Variants in CMPK1 observed in about 807,000 individuals in gnomAD.
CMPK1 encodes UMP-CMP kinase.
Under a neutral mutation model 25.7 loss-of-function variants are expected in CMPK1, and 10 were observed. The observed-to-expected ratio is 0.39, with a 90% CI of 0.24 to 0.66. The LOEUF (loss-of-function observed/expected upper bound fraction) is 0.66. Among genes scored for constraint, CMPK1 ranks in the 30% least tolerant of loss-of-function variants. The probability of loss-of-function intolerance (pLI) is 0.48; values close to 1 mark genes in which losing one functional copy is unlikely to be tolerated. For synonymous variants in CMPK1, 106 were observed against 101.5 expected, an observed-to-expected ratio of 1.04 and a Z score of -0.27; for missense variants, 199 against 280.5, an observed-to-expected ratio of 0.71 and a Z score of 2.08.
chr1:47,346,835 TCTC>T (rs1290841426), intron 1 of CMPK1, among the ~76,000 whole-genome samples: 1 of 123,312 alleles, frequency 8.1e-6, no homozygotes, highest in Non-Finnish European at 1.7e-5. Context: ...CCTCCCCATC[TCTC>T]CTCCTCACTC....
intron 1 of CMPK1, 74 bp from the exon 2 acceptor site, chr1:47,368,390 TAACAC>T: frequency 8.2e-7 from 1 of 1,215,336 alleles, no homozygotes; most frequent in Non-Finnish European, 1.1e-6. Context: ...ATATAGAAAT[TAACAC>T]AAAGGAAAAA....
At position 47,377,187 on chromosome 1, in the gene CMPK1, G is replaced by T. The variant is rs2149335963; in HGVS notation, c.*442G>T. The stretch of plus-strand genomic sequence containing the variant: ...AAATTTCAAAGGAACTTTTTGTGTA[G>T]TCAGTTCTTGCACAATGTGTTTGGT... On this transcript the variant is annotated 3_prime_UTR_variant, in exon 6 of 6. Coordinates refer to ENST00000371873, the MANE Select transcript of CMPK1 (RefSeq NM_016308.3). 1 of 153,106 alleles carries T rather than the reference G, an allele frequency of 6.5e-6. No homozygotes were observed. Among genetic ancestry groups the T allele is most frequent in the East Asian group, 1.9e-4 (1 of 5,216 alleles). The allele number at this position is 153,106 out of a possible 1,614,324, so 9.5% of individuals were successfully genotyped here.
intron 1 of CMPK1, among the ~76,000 whole-genome samples, chr1:47,365,520 G>C (rs1264209088): frequency 6.6e-6 from 1 of 151,530 alleles, no homozygotes; most frequent in African/African-American, 2.4e-5. Flanking sequence ...ACTAGTCCCA[G>C]CTACTCGGGA....
At chr1:47,360,554 C>G (rs555778970) in intron 1 of CMPK1, among the ~76,000 whole-genome samples, 10 of 152,232 alleles carry the variant, frequency 6.6e-5, no homozygotes, top group African/African-American at 2.2e-4. Context: ...CCCAAGCAGA[C>G]AATCATCAAG....
intron 1 of CMPK1, among the ~76,000 whole-genome samples, chr1:47,334,328 G>T (rs1332583943): frequency 6.6e-6 from 1 of 152,078 alleles, no homozygotes; most frequent in South Asian, 2.1e-4. Context: ...GGGGGCCACC[G>T]CTTGAGGTCG....
At chr1:47,366,005 C>T (rs1646637659) in intron 1 of CMPK1, among the ~76,000 whole-genome samples, 1 of 151,840 alleles carries the variant, frequency 6.6e-6, no homozygotes, top group Non-Finnish European at 1.5e-5. Flanking sequence ...ACCAGCCTGG[C>T]CAACATGGTA....
chr1:47,356,910 C>G (rs147087949), intron 1 of CMPK1, among the ~76,000 whole-genome samples: 1 of 151,404 alleles, frequency 6.6e-6, no homozygotes, highest in African/African-American at 2.4e-5. Flanking sequence ...ATCCGCATGC[C>G]TTCATCTCCC....
At chr1:47,334,769 A>C (rs964995689) in intron 1 of CMPK1, among the ~76,000 whole-genome samples, 6 of 152,124 alleles carry the variant, frequency 3.9e-5, no homozygotes, top group Non-Finnish European at 5.9e-5. Context: ...TGCTGTTCTG[A>C]GATCAAGCTT....
At chr1:47,339,131 C>G in intron 1 of CMPK1, among the ~76,000 whole-genome samples, 1 of 151,536 alleles carries the variant, frequency 6.6e-6, no homozygotes, top group East Asian at 1.9e-4. Context: ...CTGCAACCTC[C>G]GCCTCCTGGG....
intron 1 of CMPK1, among the ~76,000 whole-genome samples, chr1:47,345,710 G>A (rs1022909814): frequency 3.3e-5 from 5 of 150,366 alleles, no homozygotes; most frequent in Non-Finnish European, 7.4e-5. Context: ...CCCCACCTCG[G>A]CCTCCCAAAG....
At chr1:47,338,364 G>T (rs1646414539) in intron 1 of CMPK1, among the ~76,000 whole-genome samples, 1 of 152,198 alleles carries the variant, frequency 6.6e-6, no homozygotes, top group Non-Finnish European at 1.5e-5. Context: ...TGGAGACCTA[G>T]AGAAGGTAAA....
intron 1 of CMPK1, among the ~76,000 whole-genome samples, chr1:47,346,543 G>A (rs1007704521): frequency 1.3e-5 from 2 of 149,138 alleles, no homozygotes; most frequent in East Asian, 2.0e-4. Context: ...TCACTCTGGC[G>A]CCCAGGCTTG....
chr1:47,354,237 C>A (rs1231348179), intron 1 of CMPK1, among the ~76,000 whole-genome samples: 1 of 152,062 alleles, frequency 6.6e-6, no homozygotes, highest in Non-Finnish European at 1.5e-5. Flanking sequence ...GCTAAGGCGG[C>A]AGGATCACTT....
chr1:47,370,904 C>T (rs1467949793), intron 2 of CMPK1, among the ~76,000 whole-genome samples: 1 of 151,812 alleles, frequency 6.6e-6, no homozygotes, highest in Non-Finnish European at 1.5e-5. Context: ...TTGCAGTGAG[C>T]CAGGATCGCA....
At chr1:47,366,464 T>C (rs1227579897) in intron 1 of CMPK1, among the ~76,000 whole-genome samples, 1 of 151,678 alleles carries the variant, frequency 6.6e-6, no homozygotes, top group African/African-American at 2.4e-5. Context: ...GTTACTAAAA[T>C]ACCATAATAA....
chr1:47,334,196 C>T, intron 1 of CMPK1, 80 bp downstream of exon 1: 2 of 1,190,476 alleles, frequency 1.7e-6, no homozygotes, highest in Middle Eastern at 3.3e-4. Context: ...TAGTCCGCGC[C>T]CCGCGGAGTC....
At chr1:47,344,324 A>G (rs992321604) in intron 1 of CMPK1, among the ~76,000 whole-genome samples, 2 of 152,094 alleles carry the variant, frequency 1.3e-5, no homozygotes, top group Non-Finnish European at 2.9e-5. Context: ...TGGGAGATGG[A>G]AAAACGCTTA....
intron 1 of CMPK1, chr1:47,358,314 T>C (rs1265917859): frequency 1.6e-6 from 1 of 636,496 alleles, no homozygotes; most frequent in Non-Finnish European, 2.5e-6. Context: ...CATCTTGCTA[T>C]GGTGCATAGG....
At chr1:47,354,885 TTAAATAA>T (rs927844058) in intron 1 of CMPK1, among the ~76,000 whole-genome samples, 2 of 152,166 alleles carry the variant, frequency 1.3e-5, no homozygotes, top group African/African-American at 2.4e-5. Context: ...TTGAATAAAC[TTAAATAA>T]TTTGCCCAAG....
Sources: allele counts gnomAD v4.1 joint callset (sites outside exome capture counted in the v4.1 genomes callset), GRCh38; gene constraint gnomAD v4.1.1; transcripts MANE v1.5; gene names NCBI Gene and HGNC (gene_info 2026-07-23, HGNC 2026-07-21).